Variants in RALYL observed in about 807,000 individuals in gnomAD.
RALYL encodes the protein RALY RNA binding protein like, also known as RNA-binding Raly-like protein.
In RALYL, 29 loss-of-function variants were observed where a neutral mutation model predicts 35.1. The observed-to-expected ratio is 0.83, with a 90% confidence interval of 0.61 to 1.13. The LOEUF is 1.13. Among genes scored for constraint, RALYL ranks in the 50% most tolerant of loss-of-function variants. The pLI, the probability that RALYL is intolerant of heterozygous loss-of-function variation, is 0.00. For missense variants in RALYL, 359 were observed against 360.4 expected (o/e 1.00, Z 0.03); for synonymous variants, 120 against 127.6 (o/e 0.94, Z 0.40).
chr8:84,188,908 G>T (rs749515116), intron 1 of RALYL, among the ~76,000 whole-genome samples: 1 of 151,960 alleles, frequency 6.6e-6, no homozygotes, highest in Non-Finnish European at 1.5e-5. Context: ...TCTTCCTTAC[G>T]TTTAAAAAGA....
intron 1 of RALYL, among the ~76,000 whole-genome samples, chr8:84,408,637 C>T (rs1052285511): frequency 2.6e-5 from 4 of 152,122 alleles, no homozygotes; most frequent in Admixed American, 2.6e-4. Flanking sequence ...GGGGCTCTTC[C>T]ATCTTCAACA....
chr8:84,596,994 GA>G (rs1467214108), intron 2 of RALYL, among the ~76,000 whole-genome samples: 1 of 152,040 alleles, frequency 6.6e-6, no homozygotes, highest in Non-Finnish European at 1.5e-5. Context: ...ATAGTTGATA[GA>G]AAACAAGAGG....
chr8:84,436,770 T>C (rs924372792), intron 1 of RALYL, among the ~76,000 whole-genome samples: 6 of 151,476 alleles, frequency 4.0e-5, no homozygotes, highest in African/African-American at 7.3e-5. Context: ...ATAATAAACA[T>C]ATCCATGACT....
intron 2 of RALYL, among the ~76,000 whole-genome samples, chr8:84,669,063 A>G (rs1177393782): frequency 1.3e-5 from 2 of 152,116 alleles, no homozygotes; most frequent in African/African-American, 2.4e-5. Flanking sequence ...GTGTCTTGCA[A>G]GAAACACATA....
intron 2 of RALYL, among the ~76,000 whole-genome samples, chr8:84,594,823 A>T (rs1464660338): frequency 6.6e-6 from 1 of 152,090 alleles, no homozygotes; most frequent in Non-Finnish European, 1.5e-5. Flanking sequence ...TAACCAGAGA[A>T]GTCTATCAAG....
chr8:84,184,093 T>C lies in RALYL; in HGVS notation c.-355T>C, dbSNP rs1230794531. 2 of 152,192 alleles carry C rather than the reference T, an allele frequency of 1.3e-5. No homozygotes were observed. 9.4% of individuals were successfully genotyped at this position (152,192 alleles called of 1,614,324 possible). A position where few individuals can be genotyped will look rare whatever the true frequency, so the allele number is the denominator to read the frequency against. ...AAGCCGGTGAAAACAAATTCGTTTTTTTTCCCTCCTGTTTTTGATACCCAT... is the reference window on the plus strand; with the variant it reads ...AAGCCGGTGAAAACAAATTCGTTTTCTTTCCCTCCTGTTTTTGATACCCAT... On this transcript the variant is annotated 5_prime_UTR_variant, in exon 1 of 9. Transcript: ENST00000521268.
At chr8:84,723,602 T>A (rs1844399267) in intron 2 of RALYL, among the ~76,000 whole-genome samples, 1 of 151,974 alleles carries the variant, frequency 6.6e-6, no homozygotes, top group African/African-American at 2.4e-5. Context: ...AAATGGTGAC[T>A]AATAAATGTG....
chr8:84,355,638 G>A (rs1400572191), intron 1 of RALYL, among the ~76,000 whole-genome samples: 1 of 150,200 alleles, frequency 6.7e-6, no homozygotes, highest in Non-Finnish European at 1.5e-5. Context: ...AGAGGGTGAA[G>A]GAGATTCAGT....
intron 5 of RALYL, among the ~76,000 whole-genome samples, chr8:84,852,126 C>G (rs1194119950): frequency 6.6e-6 from 1 of 152,128 alleles, no homozygotes; most frequent in Non-Finnish European, 1.5e-5. Flanking sequence ...GATTCAATAA[C>G]CAACTATGTG....
At chr8:84,469,087 T>G (rs1253948893) in intron 1 of RALYL, among the ~76,000 whole-genome samples, 1 of 152,204 alleles carries the variant, frequency 6.6e-6, no homozygotes, top group Non-Finnish European at 1.5e-5. Flanking sequence ...GCCTTCGGTT[T>G]GAATGTCCTT....
At chr8:84,448,937 G>T (rs1286435846) in intron 1 of RALYL, among the ~76,000 whole-genome samples, 1 of 152,012 alleles carries the variant, frequency 6.6e-6, no homozygotes, top group African/African-American at 2.4e-5. Context: ...AGAATCTGCA[G>T]CCTGATTATA....
intron 2 of RALYL, among the ~76,000 whole-genome samples, chr8:84,549,396 A>C (rs1393961372): frequency 2.0e-5 from 3 of 152,188 alleles, no homozygotes; most frequent in Non-Finnish European, 4.4e-5. Flanking sequence ...GGATCAAAAC[A>C]GACTTGAGGG....
chr8:84,915,450 A>G (rs1413031088), intron 8 of RALYL, among the ~76,000 whole-genome samples: 1 of 152,046 alleles, frequency 6.6e-6, no homozygotes, highest in Non-Finnish European at 1.5e-5. Context: ...ACTGATCGTC[A>G]TACTCTCTAG....
chr8:84,806,905 G>C (rs1463497459), intron 4 of RALYL, among the ~76,000 whole-genome samples: 1 of 152,040 alleles, frequency 6.6e-6, no homozygotes, highest in Non-Finnish European at 1.5e-5. Context: ...TAGCCACCTG[G>C]GGGGCTGAGG....
intron 1 of RALYL, among the ~76,000 whole-genome samples, chr8:84,463,508 A>T (rs1312222740): frequency 6.6e-6 from 1 of 152,072 alleles, no homozygotes; most frequent in Non-Finnish European, 1.5e-5. Flanking sequence ...ATTGTGTATT[A>T]TACCAAGGTA....
At position 84,617,506 on chromosome 8, in the gene RALYL, GT is replaced by G. The variant is rs1436689987; in HGVS notation, c.256+87933del. 1.2e-3 allele frequency among the ~76,000 whole-genome samples: 177 copies of G among 150,408 alleles called. 1 individual carries two copies. Among genetic ancestry groups the G allele is most frequent in the African/African-American group, 4.1e-3 (164 of 40,132 alleles). The stretch of plus-strand genomic sequence containing the variant: ...GGAGATTTTGGGCTGAGACAATGGG[GT>G]TTTCTAGGTATACAATCATGTCATC... On this transcript the variant is annotated intron_variant, in intron 2 of 8. Coordinates refer to ENST00000521268, the MANE Select transcript of RALYL (RefSeq NM_173848.7).
At chr8:84,672,809 C>T (rs1161410458) in intron 2 of RALYL, among the ~76,000 whole-genome samples, 2 of 152,132 alleles carry the variant, frequency 1.3e-5, no homozygotes, top group Admixed American at 6.6e-5. Context: ...CCAGGTCCCT[C>T]CCATGACATG....
chr8:84,371,159 A>G (rs1855602811), intron 1 of RALYL, among the ~76,000 whole-genome samples: 1 of 151,958 alleles, frequency 6.6e-6, no homozygotes, highest in Admixed American at 6.6e-5. Context: ...TTACATCCAC[A>G]TTCACTCAGT....
intron 2 of RALYL, among the ~76,000 whole-genome samples, chr8:84,580,627 C>A (rs1377373053): frequency 2.6e-5 from 4 of 152,160 alleles, no homozygotes; most frequent in Non-Finnish European, 4.4e-5. Context: ...TTGAAGGAGA[C>A]AAATATTCAA....
Sources: allele counts gnomAD v4.1 joint callset (sites outside exome capture counted in the v4.1 genomes callset), GRCh38; gene constraint gnomAD v4.1.1; transcripts MANE v1.5; gene names NCBI Gene and HGNC (gene_info 2026-07-23, HGNC 2026-07-21).